Variants in FOXO3 observed in about 807,000 individuals in gnomAD.
FOXO3 encodes forkhead box O3, also known as forkhead box protein O3.
In FOXO3, 4 loss-of-function variants were observed where a neutral mutation model predicts 41.9. That is an observed-to-expected ratio of 0.10 (90% CI 0.05 to 0.22). The LOEUF is 0.22. FOXO3 is among the 10% of genes least tolerant of loss of function. FOXO3 has a pLI of 1.00. For missense variants in FOXO3, 534 were observed against 906.8 expected (o/e 0.59, Z 5.28); for synonymous variants, 318 against 389.3 (o/e 0.82, Z 2.16).
chr6:108,560,461 C>T (rs1418038096), upstream of FOXO3, among the ~76,000 whole-genome samples: 2 of 152,304 alleles, frequency 1.3e-5, no homozygotes, highest in South Asian at 2.1e-4. Flanking sequence ...TTGGAAGTGA[C>T]AAGGGCCCAT....
chr6:108,644,582 T>C (rs1778344917), intron 1 of FOXO3, among the ~76,000 whole-genome samples: 1 of 152,122 alleles, frequency 6.6e-6, no homozygotes, highest in Admixed American at 6.5e-5. Flanking sequence ...GTGGCTTCTG[T>C]TCTTTCTTTT....
chr6:108,653,546 G>C (rs910167814), intron 1 of FOXO3, among the ~76,000 whole-genome samples: 1 of 152,100 alleles, frequency 6.6e-6, no homozygotes, highest in Admixed American at 6.5e-5. Flanking sequence ...GGTCCTCAGG[G>C]TCTGCGACTG....
chr6:108,563,975 T>C (rs1343200717), intron 1 of FOXO3, among the ~76,000 whole-genome samples: 1 of 151,864 alleles, frequency 6.6e-6, no homozygotes, highest in East Asian at 1.9e-4. Flanking sequence ...TTTTTACCCT[T>C]CTCTGCTATC....
At chr6:108,593,905 G>A (rs1388650380) in intron 1 of FOXO3, among the ~76,000 whole-genome samples, 1 of 151,738 alleles carries the variant, frequency 6.6e-6, no homozygotes, top group Non-Finnish European at 1.5e-5. Flanking sequence ...TTTTAGTAGA[G>A]ATGGAGTTTC....
At chr6:108,581,610 T>C (rs1776421988) in intron 1 of FOXO3, among the ~76,000 whole-genome samples, 1 of 152,194 alleles carries the variant, frequency 6.6e-6, no homozygotes, top group African/African-American at 2.4e-5. Flanking sequence ...ACTGCAGTTC[T>C]TTCTATACTG....
chr6:108,606,571 G>C (rs962615664), intron 1 of FOXO3, among the ~76,000 whole-genome samples: 4 of 152,158 alleles, frequency 2.6e-5, no homozygotes, highest in African/African-American at 9.7e-5. Flanking sequence ...CTTATCTACA[G>C]GAGACTGCAT....
chr6:108,644,086 G>A (rs1407387027), intron 1 of FOXO3, among the ~76,000 whole-genome samples: 1 of 152,202 alleles, frequency 6.6e-6, no homozygotes, highest in Non-Finnish European at 1.5e-5. Context: ...GACAATGCCA[G>A]TGCCTGGCTA....
chr6:108,583,605 A>T (rs1254633087), intron 1 of FOXO3, among the ~76,000 whole-genome samples: 2 of 152,154 alleles, frequency 1.3e-5, no homozygotes, highest in African/African-American at 2.4e-5. Flanking sequence ...GATATCTTTT[A>T]TTGGGAATTA....
chr6:108,603,465 G>T (rs1272313466), intron 1 of FOXO3, among the ~76,000 whole-genome samples: 1 of 151,868 alleles, frequency 6.6e-6, no homozygotes, highest in Non-Finnish European at 1.5e-5. Flanking sequence ...CACTTTCTCG[G>T]GGATGATAAA....
At chr6:108,575,763 C>T (rs898279141) in intron 1 of FOXO3, among the ~76,000 whole-genome samples, 8 of 152,128 alleles carry the variant, frequency 5.3e-5, no homozygotes, top group African/African-American at 1.7e-4. Context: ...CAGTATAGTT[C>T]CATTAACAGT....
intron 1 of FOXO3, among the ~76,000 whole-genome samples, chr6:108,593,953 A>C (rs1776804056): frequency 6.6e-6 from 1 of 151,702 alleles, no homozygotes; most frequent in Non-Finnish European, 1.5e-5. Context: ...GCCTGACCTC[A>C]GGTGATCTAC....
chr6:108,567,632 C>A (rs1212669714), intron 1 of FOXO3, among the ~76,000 whole-genome samples: 6 of 152,180 alleles, frequency 3.9e-5, no homozygotes, highest in African/African-American at 7.2e-5. Flanking sequence ...TGTGTCCAGT[C>A]AGTGCAGTGG....
rs149137122 is a variant in FOXO3 at position 108,598,281 on chromosome 6, G to T, written c.621+36452G>T. On this transcript the variant is annotated intron_variant, in intron 1 of 2. Coordinates refer to ENST00000406360, the MANE Select transcript of FOXO3 (RefSeq NM_001455.4). ...TGTTCTTTGTAGAATTTGTTCCTTG[G>T]TAGTTTCTTCATCAACTTGAGTCAC... Among the ~76,000 whole-genome samples, 220 of 152,186 alleles carry T rather than the reference G, an allele frequency of 1.4e-3. 1 individual carries two copies. Among genetic ancestry groups the T allele is most frequent in the Non-Finnish European group, 2.7e-3 (181 of 68,008 alleles).
At chr6:108,644,936 A>G (rs886611164) in intron 1 of FOXO3, among the ~76,000 whole-genome samples, 1 of 152,132 alleles carries the variant, frequency 6.6e-6, no homozygotes, top group Non-Finnish European at 1.5e-5. Context: ...AAAATTATAA[A>G]ATCTATGAAT....
At chr6:108,560,223 C>A (rs1289279904), upstream of FOXO3, among the ~76,000 whole-genome samples, 1 of 152,178 alleles carries the variant, frequency 6.6e-6, no homozygotes, top group African/African-American at 2.4e-5. Context: ...CGTGCTGGTC[C>A]GGGTTTTCTA....
intron 1 of FOXO3, among the ~76,000 whole-genome samples, chr6:108,600,592 G>A (rs1400418197): frequency 7.3e-6 from 1 of 137,614 alleles, no homozygotes; most frequent in East Asian, 2.2e-4. Flanking sequence ...GTTCATTGTA[G>A]AAAATTTAGA....
intron 1 of FOXO3, among the ~76,000 whole-genome samples, chr6:108,655,755 T>G (rs937460235): frequency 6.6e-6 from 1 of 152,196 alleles, no homozygotes; most frequent in African/African-American, 2.4e-5. Context: ...GCTAGCTGTT[T>G]GCAGTGCTCT....
At chr6:108,571,375 C>T (rs1467612047) in intron 1 of FOXO3, among the ~76,000 whole-genome samples, 1 of 152,072 alleles carries the variant, frequency 6.6e-6, no homozygotes, top group Non-Finnish European at 1.5e-5. Context: ...TTTGACATGG[C>T]AGTTGGAGAG....
At chr6:108,651,036 A>G (rs747138258) in intron 1 of FOXO3, among the ~76,000 whole-genome samples, 1 of 152,250 alleles carries the variant, frequency 6.6e-6, no homozygotes, top group Non-Finnish European at 1.5e-5. Context: ...CAGATGAGGT[A>G]TAGGTTAAAG....
Sources: gnomAD v4.1 joint callset for allele counts (sites outside exome capture counted in the v4.1 genomes callset) on GRCh38, gnomAD v4.1.1 for gene constraint, MANE v1.5 for transcripts, NCBI Gene and HGNC (gene_info 2026-07-23, HGNC 2026-07-21) for gene names.